Variants in RXRA observed in about 807,000 individuals in gnomAD.
RXRA encodes retinoic acid receptor RXR-alpha.
RXRA carries 5 observed loss-of-function variants against 44.5 expected under a neutral mutation model. The observed-to-expected ratio is 0.11, with a 90% CI of 0.06 to 0.24. The LOEUF (loss-of-function observed/expected upper bound fraction) is 0.24, where lower values mean the gene tolerates loss of function less well. Among genes scored for constraint, RXRA ranks in the 10% least tolerant of loss-of-function variants. RXRA has a pLI of 1.00. For missense variants in RXRA, 412 were observed against 646.5 expected (o/e 0.64, Z 3.93); for synonymous variants, 291 against 271.4 (o/e 1.07, Z -0.71).
At chr9:134,384,351 T>C (rs1362913077) in intron 1 of RXRA, among the ~76,000 whole-genome samples, 1 of 152,242 alleles carries the variant, frequency 6.6e-6, no homozygotes, top group Non-Finnish European at 1.5e-5. Flanking sequence ...GATGGTTACC[T>C]GCTCCACATG....
chr9:134,395,243 C>T (rs929568048), intron 1 of RXRA, among the ~76,000 whole-genome samples: 1 of 152,242 alleles, frequency 6.6e-6, no homozygotes, highest in Non-Finnish European at 1.5e-5. Flanking sequence ...CTGGTGCAGA[C>T]CCAGATTTCT....
intron 7 of RXRA, among the ~76,000 whole-genome samples, chr9:134,429,842 T>C (rs1831501093): frequency 6.6e-6 from 1 of 151,922 alleles, no homozygotes; most frequent in Non-Finnish European, 1.5e-5. Flanking sequence ...CCAACTCCGC[T>C]CTGCCAGGCG....
intron 9 of RXRA, among the ~76,000 whole-genome samples, chr9:134,435,929 G>A (rs948498849): frequency 5.3e-5 from 8 of 152,206 alleles, no homozygotes; most frequent in Non-Finnish European, 1.0e-4. Context: ...GCAGTGCTGC[G>A]ATCGTAGCTC....
At chr9:134,375,195 T>C (rs1275504068) in intron 1 of RXRA, among the ~76,000 whole-genome samples, 1 of 152,152 alleles carries the variant, frequency 6.6e-6, no homozygotes, top group East Asian at 1.9e-4. Flanking sequence ...AACAGCATGT[T>C]CAAGGCTAGA....
chr9:134,350,205 G>T (rs956301546), intron 1 of RXRA, among the ~76,000 whole-genome samples: 4 of 152,128 alleles, frequency 2.6e-5, no homozygotes, highest in Admixed American at 6.5e-5. Context: ...TCCCAGGGCA[G>T]GATGTATGGA....
chr9:134,424,876 G>A, intron 6 of RXRA: 6 of 985,480 alleles, frequency 6.1e-6, no homozygotes, highest in Non-Finnish European at 7.2e-6. Context: ...GCAGGAGGCA[G>A]TGGCAGAGGT....
chr9:134,380,098 C>T (rs572806818), intron 1 of RXRA: 39 of 985,476 alleles, frequency 4.0e-5, no homozygotes, highest in South Asian at 4.7e-5. Flanking sequence ...CGTGGTCAGT[C>T]GTGCCGCCTG....
At chr9:134,406,998 C>T (rs1269872168) in intron 2 of RXRA, among the ~76,000 whole-genome samples, 1 of 152,224 alleles carries the variant, frequency 6.6e-6, no homozygotes, top group Non-Finnish European at 1.5e-5. Flanking sequence ...ATGGCACCCC[C>T]ACTGTGCTGA....
At position 134,433,219 on chromosome 9, in the gene RXRA, G is replaced by C. The variant is rs1831561223; in HGVS notation, c.1136-883G>C. ...TCCGGGCCGTAATCCTGCCAGCTCGGAGGCTGAGTCATGCCACGGCCCGGC... is the reference window on the plus strand; with the variant it reads ...TCCGGGCCGTAATCCTGCCAGCTCGCAGGCTGAGTCATGCCACGGCCCGGC... On this transcript the variant is annotated intron_variant, in intron 8 of 9. Coordinates refer to ENST00000481739, the MANE Select transcript of RXRA (RefSeq NM_002957.6). The surrounding 1 kb of genome is among the most constrained non-coding windows in gnomAD (Gnocchi z 4.2). Among the ~76,000 whole-genome samples, 1 of 152,184 alleles carries C rather than the reference G, an allele frequency of 6.6e-6. No homozygotes were observed.
chr9:134,417,221 G>A lies in RXRA; in HGVS notation c.674G>A (p.Ser225Asn), dbSNP rs781281765. 2 of 1,613,638 alleles carry A rather than the reference G, an allele frequency of 1.2e-6. No homozygotes were observed. The highest frequency in any genetic ancestry group is 2.2e-5 in the South Asian group (2 of 91,090). The change falls in exon 5 of 10, where the codon AGC becomes AAC. Residue 225 changes from serine to asparagine, a missense_variant. Around this residue, in one of 4 missense-constraint regions of RXRA, gnomAD observed 67 missense variants for 78.7 expected, o/e 0.85. Coordinates refer to ENST00000481739, the MANE Select transcript of RXRA (RefSeq NM_002957.6). The surrounding 1 kb of genome is among the most constrained non-coding windows in gnomAD (Gnocchi z 6.1). ...RNENEVESTS[S>N]ANEDMPVERI... is the part of the protein sequence containing the mutation. The stretch of plus-strand genomic sequence containing the variant: ...GAGAATGAGGTGGAGTCGACCAGCA[G>A]CGCCAACGAGGACATGCCGGTGGAG...
chr9:134,433,908 G>A lies in RXRA; in HGVS notation c.1136-194G>A, dbSNP rs1344100781. 2.0e-5 allele frequency among the ~76,000 whole-genome samples: 3 copies of A among 152,248 alleles called. No individual in the cohort carries two copies. Among genetic ancestry groups the A allele is most frequent in the African/African-American group, 7.2e-5 (3 of 41,554 alleles). ...GGACCCAGAGCAGCCTGGCCTGGCC[G>A]TGGGTTCCACAGTCGTCCCCCTGCC... is the stretch of plus-strand genomic sequence containing the variant. On this transcript the variant is annotated intron_variant, in intron 8 of 9. Transcript: ENST00000481739. The surrounding 1 kb of genome is among the most constrained non-coding windows in gnomAD (Gnocchi z 4.2).
At position 134,424,374 on chromosome 9, in the gene RXRA, G is replaced by A. The variant is rs78929773; in HGVS notation, c.910+2569G>A. 2,942 of 985,376 alleles carry A rather than the reference G, an allele frequency of 3.0e-3. 57 individuals carry two copies. The African/African-American group carries it at 0.046, about 16-fold the overall frequency. The allele number at this position is 985,376 out of a possible 1,614,324, so 61.0% of individuals were successfully genotyped here. ...TTCCGGGAGATCTCTGCGGCTGCATGTCTCTGAGTGGGACTCCCAGCCTGA... is the reference window on the plus strand; with the variant it reads ...TTCCGGGAGATCTCTGCGGCTGCATATCTCTGAGTGGGACTCCCAGCCTGA... On this transcript the variant is annotated intron_variant, in intron 6 of 9. Coordinates refer to ENST00000481739, the MANE Select transcript of RXRA (RefSeq NM_002957.6).
At chr9:134,383,840 AGGCCCTGAACCC>A (rs1564279423) in intron 1 of RXRA, among the ~76,000 whole-genome samples, 1 of 152,184 alleles carries the variant, frequency 6.6e-6, no homozygotes, top group Non-Finnish European at 1.5e-5. Flanking sequence ...GTGTGGTTCC[AGGCCCTGAACCC>A]GATGTGCAGG....
chr9:134,423,311 CT>C, intron 6 of RXRA: 1 of 985,470 alleles, frequency 1.0e-6, no homozygotes, highest in South Asian at 4.7e-5. Context: ...GCCAAGCTCC[CT>C]TAGGGCCGGG....
At chr9:134,344,179 C>G (rs946363682) in intron 1 of RXRA, among the ~76,000 whole-genome samples, 1 of 152,208 alleles carries the variant, frequency 6.6e-6, no homozygotes, top group Non-Finnish European at 1.5e-5. Flanking sequence ...CCATGCAGTA[C>G]AAATGTGGAC....
At chr9:134,385,644 G>T (rs928681421) in intron 1 of RXRA, among the ~76,000 whole-genome samples, 12 of 152,226 alleles carry the variant, frequency 7.9e-5, no homozygotes, top group African/African-American at 2.9e-4. Flanking sequence ...TGCGCGAGCG[G>T]TGGTGGCCCC....
intron 1 of RXRA, among the ~76,000 whole-genome samples, chr9:134,401,049 G>A (rs558709381): frequency 2.0e-5 from 3 of 152,340 alleles, no homozygotes; most frequent in South Asian, 4.1e-4. Flanking sequence ...TTGGCCACAG[G>A]TGGCTCTGAG....
intron 6 of RXRA, chr9:134,422,335 C>T: frequency 7.8e-7 from 1 of 1,285,596 alleles, no homozygotes; most frequent in Non-Finnish European, 1.0e-6. Context: ...ACTCCTGGGA[C>T]ACTACCCCCT....
At chr9:134,358,013 C>T (rs1000798080) in intron 1 of RXRA, among the ~76,000 whole-genome samples, 4 of 152,202 alleles carry the variant, frequency 2.6e-5, no homozygotes, top group Admixed American at 6.5e-5. Context: ...GGATGAGAGG[C>T]GTACCCACTG....
Sources: allele counts gnomAD v4.1 joint callset (sites outside exome capture counted in the v4.1 genomes callset), GRCh38; gene constraint gnomAD v4.1.1; regional missense constraint gnomAD v4.1.1; non-coding constraint Gnocchi (gnomAD v3.1); transcripts MANE v1.5; gene names NCBI Gene and HGNC (gene_info 2026-07-23, HGNC 2026-07-21).